TTLL10: variants seen among roughly 807,000 people sequenced by gnomAD.
TTLL10 encodes inactive polyglycylase TTLL10.
Under a neutral mutation model 69.0 loss-of-function variants are expected in TTLL10, and 61 were observed. That is an observed-to-expected ratio of 0.88 (90% CI 0.72 to 1.09). The LOEUF is 1.09. TTLL10 is among the 50% of genes least tolerant of loss of function. The pLI is 0.00. For missense variants in TTLL10, 962 were observed against 945.9 expected (o/e 1.02, Z -0.22); for synonymous variants, 408 against 393.3 (o/e 1.04, Z -0.44).
chr1:1,182,889 G>T lies in TTLL10; in HGVS notation c.930G>T (p.Trp310Cys). ...FFTLFDETQIWICKPTASNQG... is the reference protein window; with the variant it reads ...FFTLFDETQICICKPTASNQG... ...CGCTCTCTGCAGAAACCCAGATATG[G>T]ATCTGCAAGCCCACAGCCTCCAACC... Residue 310 changes from tryptophan to cysteine, a missense_variant, in exon 11 of 16, where the codon TGG becomes TGT. By Grantham distance (215) the Trp-to-Cys change is radical. Transcript: ENST00000379289. The T allele has an allele frequency of 6.3e-7, 1 of 1,586,650 alleles. No individual in the cohort carries two copies. Among genetic ancestry groups the T allele is most frequent in the Admixed American group, 1.8e-5 (1 of 56,756 alleles).
rs1270685492 is a variant in TTLL10 at position 1,183,021 on chromosome 1, G to A, written c.1062G>A (p.Arg354=). 1.2e-6 allele frequency: 2 copies of A among 1,608,908 alleles called. No individual in the cohort carries two copies. Among genetic ancestry groups the A allele is most frequent in the Non-Finnish European group, 1.7e-6 (2 of 1,178,150 alleles). ...CCATCCACCACAAGACGCCGTTCCG[G>A]GGGCCTCAGGCGCGGGTGGTGCAGA... ...DDPIHHKTPF[R]GPQARVVQRY... is the part of the protein sequence containing the mutation. The change falls in exon 11 of 16, where the codon CGG becomes CGA. Residue 354 remains arginine, a synonymous_variant. Transcript: ENST00000379289.
chr1:1,182,320 G>A (rs368031194), intron 9 of TTLL10, 41 bp from the exon 10 acceptor site: 9 of 1,585,756 alleles, frequency 5.7e-6, no homozygotes, highest in East Asian at 2.2e-5. Flanking sequence ...AGCCAGGGGC[G>A]AAGGGACAGC....
chr1:1,185,654 AC>A lies in TTLL10; in HGVS notation c.1401+546del. 2 of 985,558 alleles carry A rather than the reference AC, an allele frequency of 2.0e-6. No homozygotes were observed. Among genetic ancestry groups the A allele is most frequent in the Non-Finnish European group, 2.4e-6 (2 of 830,052 alleles). 61.1% of individuals were successfully genotyped at this position (985,558 alleles called of 1,614,324 possible). ...AGCGCGGTGTGAAACTGGGATAAAA[AC>A]GGGGCTTGGCCGAAGGACTTTTATC... On this transcript the variant is annotated intron_variant, in intron 13 of 15. Coordinates refer to ENST00000379289, the MANE Select transcript of TTLL10 (RefSeq NM_001130045.2). This position sits in a 1 kb window ranked among gnomAD's most constrained non-coding sequence, Gnocchi z 6.1.
chr1:1,181,668 C>A lies in TTLL10; in HGVS notation c.756-73C>A. 6 of 1,394,500 alleles carry A rather than the reference C, an allele frequency of 4.3e-6. No individual in the cohort carries two copies. The highest frequency in any genetic ancestry group is 5.9e-6 in the Non-Finnish European group (6 of 1,016,710). The allele number at this position is 1,394,500 out of a possible 1,614,324, so 86.4% of individuals were successfully genotyped here. ...CGCCCACTCACCACCCATGCCCCAT[C>A]CCCCAGTCCCCACCCGCTCCAAGCA... On this transcript the variant is annotated intron_variant, in intron 8 of 15. Transcript: ENST00000379289. The surrounding 1 kb of genome is among the most constrained non-coding windows in gnomAD (Gnocchi z 4.6).
chr1:1,183,817 CG>C, intron 11 of TTLL10, 102 bp from the exon 12 acceptor site: 1 of 1,448,994 alleles, frequency 6.9e-7, no homozygotes. Flanking sequence ...GGGACAGAGG[CG>C]GGGCGCTGAG....
chr1:1,182,853 G>T, intron 10 of TTLL10, 23 bp from the exon 11 acceptor site: 3 of 1,539,992 alleles, frequency 1.9e-6, no homozygotes, highest in Non-Finnish European at 2.6e-6. Context: ...CGAGGCCAGG[G>T]GCTCAGGCCG....
Position 1,181,386 on chromosome 1 carries a change from C to A in TTLL10, c.756-355C>A, listed in dbSNP as rs548983881. Among the ~76,000 whole-genome samples, 3 of 151,938 alleles carry A rather than the reference C, an allele frequency of 2.0e-5. No individual in the cohort carries two copies. The highest frequency in any genetic ancestry group is 2.9e-5 in the Non-Finnish European group (2 of 67,978). ...GGGCCATCCATCCTAGCGACTTCGT[C>A]CTCCTGCTCCCAGCCCTGCCCACTG... On this transcript the variant is annotated intron_variant, in intron 8 of 15. Transcript: ENST00000379289. The surrounding 1 kb of genome is among the most constrained non-coding windows in gnomAD (Gnocchi z 4.6).
At chr1:1,182,326 A>T in intron 9 of TTLL10, 35 bp from the exon 10 acceptor site, 1 of 1,590,202 alleles carries the variant, frequency 6.3e-7, no homozygotes, top group Non-Finnish European at 8.6e-7. Flanking sequence ...GGGCGAAGGG[A>T]CAGCAGCTCA....
intron 14 of TTLL10, 123 bp downstream of exon 14, chr1:1,196,839 T>C (rs1648248455): frequency 1.2e-6 from 1 of 812,190 alleles, no homozygotes; most frequent in South Asian, 1.6e-5. Flanking sequence ...CCTGCCTGCA[T>C]GCAGCCCTGG....
Position 1,181,972 on chromosome 1 carries a change from AC to A in TTLL10, c.830+163del, listed in dbSNP as rs1647083699. 6.6e-6 allele frequency among the ~76,000 whole-genome samples: 1 copy of A among 151,848 alleles called. No homozygotes were observed. Among genetic ancestry groups the A allele is most frequent in the Admixed American group, 6.6e-5 (1 of 15,244 alleles). On this transcript the variant is annotated intron_variant, in intron 9 of 15. Coordinates refer to ENST00000379289, the MANE Select transcript of TTLL10 (RefSeq NM_001130045.2). This position sits in a 1 kb window ranked among gnomAD's most constrained non-coding sequence, Gnocchi z 4.6. ...CCAGGCCAGGCCGAGATCCACGCTGACCCCCCAGTGCACACAGAGCTGGGGC... is the reference window on the plus strand; with the variant it reads ...CCAGGCCAGGCCGAGATCCACGCTGACCCCCAGTGCACACAGAGCTGGGGC...
chr1:1,195,348 A>G (rs2100922662), intron 13 of TTLL10, among the ~76,000 whole-genome samples: 1 of 152,106 alleles, frequency 6.6e-6, no homozygotes, highest in Non-Finnish European at 1.5e-5. Flanking sequence ...TCTGCAAACA[A>G]TTCAAATCTG....
rs116321663 is a variant in TTLL10, at chr1:1,184,997, T to A, written c.1289T>A (p.Met430Lys). The A allele has an allele frequency of 0.02, 32,017 of 1,602,732 alleles. 531 individuals carry two copies. Among genetic ancestry groups the A allele is most frequent in the Non-Finnish European group, 0.024 (27,873 of 1,169,880 alleles). ...ATGCAGAAGAAGAGCCCTCTGTACA[T>A]GCTGCTGAAGGAGCACACGGTGTGG... ...QFMQKKSPLY[M>K]LLKEHTVWSM... The change falls in exon 13 of 16, where the codon ATG becomes AAG. Residue 430 changes from methionine to lysine, a missense_variant. Met to Lys is a moderately conservative substitution (Grantham distance 95). Coordinates refer to ENST00000379289, the MANE Select transcript of TTLL10 (RefSeq NM_001130045.2).
chr1:1,180,783 C>G lies in TTLL10; in HGVS notation c.678C>G (p.Ile226Met), dbSNP rs747645824. 15 of 1,607,898 alleles carry G rather than the reference C, an allele frequency of 9.3e-6. No individual in the cohort carries two copies. The highest frequency in any genetic ancestry group is 2.3e-5 in the East Asian group (1 of 44,308). ...ACAACAAGCTCCTCACCACCAAGATCGGGCTGCTCAGCACCCTTCGGGGAC... is the reference window on the plus strand; with the variant it reads ...ACAACAAGCTCCTCACCACCAAGATGGGGCTGCTCAGCACCCTTCGGGGAC... Reference protein sequence around the residue: ...LPNNKLLTTKIGLLSTLRGRA... With the variant: ...LPNNKLLTTKMGLLSTLRGRA... The change falls in exon 8 of 16, where the codon ATC becomes ATG. Residue 226 changes from isoleucine (I) to methionine (M), a missense_variant. By Grantham distance (10) the Ile-to-Met change is conservative. Coordinates refer to ENST00000379289, the MANE Select transcript of TTLL10 (RefSeq NM_001130045.2).
chr1:1,180,728 C>T lies in TTLL10; in HGVS notation c.626-3C>T. 1.2e-6 allele frequency: 2 copies of T among 1,604,012 alleles called. No individual in the cohort carries two copies. Among genetic ancestry groups the T allele is most frequent in the Non-Finnish European group, 8.5e-7 (1 of 1,175,896 alleles). The stretch of plus-strand genomic sequence containing the variant: ...CACACGAGCCCTGGCCTCTGACCTC[C>T]AGGAGAGCAGCTGCTGTACCAGCTT... On this transcript the variant is annotated splice_polypyrimidine_tract_variant and splice_region_variant and intron_variant, in intron 7 of 15. Transcript: ENST00000379289.
At position 1,181,063 on chromosome 1, in the gene TTLL10, C is replaced by A. The variant is rs577854584; in HGVS notation, c.755+203C>A. 6.9e-6 allele frequency among the ~76,000 whole-genome samples: 1 copy of A among 145,342 alleles called. No individual in the cohort carries two copies. Among genetic ancestry groups the A allele is most frequent in the Non-Finnish European group, 1.5e-5 (1 of 66,280 alleles). On this transcript the variant is annotated intron_variant, in intron 8 of 15. Coordinates refer to ENST00000379289, the MANE Select transcript of TTLL10 (RefSeq NM_001130045.2). The surrounding 1 kb of genome is among the most constrained non-coding windows in gnomAD (Gnocchi z 4.6). ...CTGGCCACCTGGGCTCCCAGGCTGG[C>A]CCCAGCCCCCACCCGTCAGCACCTG...
chr1:1,187,984 C>G lies in TTLL10; in HGVS notation c.1401+2875C>G, dbSNP rs554237972. On this transcript the variant is annotated intron_variant, in intron 13 of 15. Coordinates refer to ENST00000379289, the MANE Select transcript of TTLL10 (RefSeq NM_001130045.2). ...TTTCTAAAATGGTATAGTTTTAGCT[C>G]TTATATTTAGGTCTTGGATCCATTT... 4.6e-5 allele frequency among the ~76,000 whole-genome samples: 7 copies of G among 151,962 alleles called. No individual in the cohort carries two copies. The East Asian group carries it at 1.4e-3, about 29-fold the overall frequency.
chr1:1,180,066 C>G lies in TTLL10; in HGVS notation c.232C>G (p.Gln78Glu). The change falls in exon 6 of 16, where the codon CAG (glutamine) becomes GAG (glutamate). Residue 78 changes from glutamine to glutamate, a missense_variant. Physicochemically the swap from Gln to Glu is conservative, Grantham distance 29 (BLOSUM62 2). Coordinates refer to ENST00000379289, the MANE Select transcript of TTLL10 (RefSeq NM_001130045.2). Reference sequence around the variant, plus strand: ...CCACGAGAGGCCAATGGGGAGCAGCCAGGAGGAGGGACTCCGGTGTCAGCC... The same window carrying G: ...CCACGAGAGGCCAATGGGGAGCAGCGAGGAGGAGGGACTCCGGTGTCAGCC... ...PAHERPMGSSQEEGLRCQPSQ... is the reference protein window; with the variant it reads ...PAHERPMGSSEEEGLRCQPSQ... The G allele has an allele frequency of 1.3e-6, 2 of 1,593,938 alleles. No homozygotes were observed. Among genetic ancestry groups the G allele is most frequent in the Non-Finnish European group, 1.7e-6 (2 of 1,169,696 alleles).
At position 1,182,426 on chromosome 1, in the gene TTLL10, C is replaced by T. The variant is rs747142529; in HGVS notation, c.896C>T (p.Ala299Val). Reference sequence around the variant, plus strand: ...CTGGACCTCAAACACGAGAGAGAGGCCTTTTTCACCTTGTTTGATGGTGAG... The same window carrying T: ...CTGGACCTCAAACACGAGAGAGAGGTCTTTTTCACCTTGTTTGATGGTGAG... The part of the protein sequence containing the change: ...YRLDLKHERE[A>V]FFTLFDETQI... Residue 299 changes from alanine (A) to valine (V), a missense_variant, in exon 10 of 16, where the codon GCC becomes GTC. Ala to Val is a moderately conservative substitution (Grantham distance 64, BLOSUM62 0). Coordinates refer to ENST00000379289, the MANE Select transcript of TTLL10 (RefSeq NM_001130045.2). 1 of 1,613,942 alleles carries T rather than the reference C, an allele frequency of 6.2e-7. No homozygotes were observed. Among genetic ancestry groups the T allele is most frequent in the South Asian group, 1.1e-5 (1 of 91,086 alleles).
At chr1:1,183,795 G>T in intron 11 of TTLL10, 125 bp from the exon 12 acceptor site, 2 of 1,269,876 alleles carry the variant, frequency 1.6e-6, no homozygotes, top group Non-Finnish European at 2.2e-6. Flanking sequence ...CCTTTCCCTG[G>T]AGGTCACACC....
Sources: allele counts gnomAD v4.1 joint callset (sites outside exome capture counted in the v4.1 genomes callset), GRCh38; gene constraint gnomAD v4.1.1; non-coding constraint Gnocchi (gnomAD v3.1); transcripts MANE v1.5; gene names NCBI Gene and HGNC (gene_info 2026-07-23, HGNC 2026-07-21).